The following EPHA4 variants were observed in gnomAD, a reference collection of about 807,000 sequenced individuals.
EPHA4 encodes EPH receptor A4.
EPHA4 carries 19 observed loss-of-function variants against 108.3 expected under a neutral mutation model. That is an observed-to-expected ratio of 0.18 (90% CI 0.12 to 0.26). The LOEUF is 0.26. EPHA4 is among the 10% of genes least tolerant of loss of function. The pLI, the probability that EPHA4 is intolerant of heterozygous loss-of-function variation, is 1.00. For missense variants in EPHA4, 917 were observed against 1,254.0 expected, an observed-to-expected ratio of 0.73 and a Z score of 4.06; for synonymous variants, 449 against 455.5, an observed-to-expected ratio of 0.99 and a Z score of 0.18.
At chr2:221,550,290 G>C (rs879317348) in intron 3 of EPHA4, among the ~76,000 whole-genome samples, 1 of 152,070 alleles carries the variant, frequency 6.6e-6, no homozygotes, top group Non-Finnish European at 1.5e-5. Flanking sequence ...GTTAATGGTG[G>C]AATCTTTCAA....
chr2:221,508,579 A>C (rs1260335913), intron 3 of EPHA4, among the ~76,000 whole-genome samples: 1 of 117,116 alleles, frequency 8.5e-6, no homozygotes, highest in South Asian at 3.6e-4. Context: ...ACTCTGTCTC[A>C]AAACAGGAAA....
chr2:221,570,281 CAG>C (rs1271712736), intron 1 of EPHA4, among the ~76,000 whole-genome samples: 1 of 151,486 alleles, frequency 6.6e-6, no homozygotes, highest in East Asian at 1.9e-4. Flanking sequence ...CTAGGGCTCT[CAG>C]AGCCTTTTTG....
intron 13 of EPHA4, among the ~76,000 whole-genome samples, chr2:221,435,895 T>A (rs1393143091): frequency 7.7e-5 from 11 of 143,408 alleles, no homozygotes; most frequent in Admixed American, 7.0e-4. Flanking sequence ...GGATTTTTTT[T>A]AAAGAATAGA....
At chr2:221,548,318 C>A (rs1230577225) in intron 3 of EPHA4, among the ~76,000 whole-genome samples, 1 of 151,710 alleles carries the variant, frequency 6.6e-6, no homozygotes, top group Admixed American at 6.6e-5. Context: ...GATCACAGAT[C>A]GCACCACTGC....
At chr2:221,428,599 G>A (rs1689980804) in intron 15 of EPHA4, among the ~76,000 whole-genome samples, 1 of 152,212 alleles carries the variant, frequency 6.6e-6, no homozygotes, top group Non-Finnish European at 1.5e-5. Context: ...CTCTGGTGCT[G>A]AAGATCTAAA....
At chr2:221,447,036 C>A (rs1690614662) in intron 8 of EPHA4, among the ~76,000 whole-genome samples, 1 of 152,084 alleles carries the variant, frequency 6.6e-6, no homozygotes, top group South Asian at 2.1e-4. Flanking sequence ...CTTATACAAA[C>A]TGGAAAATCA....
At chr2:221,521,075 C>T (rs1271672591) in intron 3 of EPHA4, among the ~76,000 whole-genome samples, 1 of 152,162 alleles carries the variant, frequency 6.6e-6, no homozygotes, top group Non-Finnish European at 1.5e-5. Flanking sequence ...TTATGAAATT[C>T]TGATTATTTC....
chr2:221,516,602 G>C (rs554430197), intron 3 of EPHA4, among the ~76,000 whole-genome samples: 1 of 152,074 alleles, frequency 6.6e-6, no homozygotes, highest in Non-Finnish European at 1.5e-5. Context: ...TGATCGGCCC[G>C]CCTCGGCCCA....
intron 5 of EPHA4, among the ~76,000 whole-genome samples, chr2:221,479,919 C>G (rs535104374): frequency 4.6e-5 from 7 of 152,254 alleles, no homozygotes; most frequent in African/African-American, 1.7e-4. Context: ...TTGTCCTGTT[C>G]AGCAAACCTC....
chr2:221,460,870 A>C (rs1479030428), intron 5 of EPHA4, among the ~76,000 whole-genome samples: 2 of 152,204 alleles, frequency 1.3e-5, no homozygotes, highest in Non-Finnish European at 2.9e-5. Context: ...ATTTGCTGCC[A>C]CATCCCTCTG....
At chr2:221,568,670 A>C (rs758081796) in intron 2 of EPHA4, 48 bp downstream of exon 2, 2 of 1,509,242 alleles carry the variant, frequency 1.3e-6, no homozygotes, top group Non-Finnish European at 9.1e-7. Context: ...GAAAGTTGCT[A>C]ATCACTCCTT....
At chr2:221,534,627 T>A (rs759890334) in intron 3 of EPHA4, among the ~76,000 whole-genome samples, 2 of 152,244 alleles carry the variant, frequency 1.3e-5, no homozygotes, top group Non-Finnish European at 2.9e-5. Flanking sequence ...GAACCCATGG[T>A]CAATTTGTTA....
chr2:221,457,078 C>T (rs570675457), intron 6 of EPHA4, among the ~76,000 whole-genome samples: 1 of 151,902 alleles, frequency 6.6e-6, no homozygotes, highest in Non-Finnish European at 1.5e-5. Context: ...AGTTCCACAC[C>T]CAGCAATTTA....
chr2:221,480,886 G>A (rs368762477), intron 5 of EPHA4, among the ~76,000 whole-genome samples: 6 of 152,148 alleles, frequency 3.9e-5, no homozygotes, highest in African/African-American at 1.2e-4. Context: ...TTCACTTATA[G>A]GATCAATTAG....
At chr2:221,509,282 C>T (rs903596614) in intron 3 of EPHA4, among the ~76,000 whole-genome samples, 6 of 152,202 alleles carry the variant, frequency 3.9e-5, no homozygotes, top group Non-Finnish European at 8.8e-5. Flanking sequence ...GAGCCGAGAT[C>T]GTGCCATTGC....
chr2:221,470,969 G>C (rs937051291), intron 5 of EPHA4, among the ~76,000 whole-genome samples: 3 of 152,014 alleles, frequency 2.0e-5, no homozygotes, highest in South Asian at 2.1e-4. Flanking sequence ...CCCTAGAATT[G>C]TATTTTTATT....
At chr2:221,474,663 C>G (rs1431351352) in intron 5 of EPHA4, among the ~76,000 whole-genome samples, 2 of 152,154 alleles carry the variant, frequency 1.3e-5, no homozygotes, top group Non-Finnish European at 2.9e-5. Flanking sequence ...TCAGCAAAAT[C>G]TCTCAGTGGA....
intron 5 of EPHA4, among the ~76,000 whole-genome samples, chr2:221,478,817 C>A (rs988939149): frequency 7.2e-5 from 9 of 124,336 alleles, no homozygotes; most frequent in East Asian, 5.5e-4. Flanking sequence ...CTGCAGGTAG[C>A]CAGCTGGGCT....
intron 17 of EPHA4, among the ~76,000 whole-genome samples, chr2:221,421,631 T>C (rs1689764839): frequency 6.6e-6 from 1 of 152,336 alleles, no homozygotes; most frequent in South Asian, 2.1e-4. Flanking sequence ...TCATTGTCCA[T>C]ATATTTGTCA....
Sources: gnomAD v4.1 joint callset for allele counts (sites outside exome capture counted in the v4.1 genomes callset) on GRCh38, gnomAD v4.1.1 for gene constraint, MANE v1.5 for transcripts, NCBI Gene and HGNC (gene_info 2026-07-23, HGNC 2026-07-21) for gene names.